The following SPECC1 variants were observed in gnomAD, a reference collection of about 807,000 sequenced individuals.
SPECC1 encodes sperm antigen with calponin homology and coiled-coil domains 1.
In SPECC1, 62 loss-of-function variants were observed where a neutral mutation model predicts 104.1. The ratio of observed to expected loss-of-function variants is 0.60; its 90% CI spans 0.49 to 0.74. SPECC1 has a LOEUF of 0.74. Ranked by LOEUF, SPECC1 falls within the 30% of genes least tolerant of loss-of-function variation. SPECC1 has a pLI of 0.00. For missense variants in SPECC1, 1,306 were observed against 1,310.5 expected, an observed-to-expected ratio of 1.00 and a Z score of 0.05; for synonymous variants, 513 against 501.6, an observed-to-expected ratio of 1.02 and a Z score of -0.30.
chr17:20,024,874 C>T (rs2044539249), intron 1 of SPECC1, among the ~76,000 whole-genome samples: 1 of 152,156 alleles, frequency 6.6e-6, no homozygotes. Context: ...GCTTTTTAGT[C>T]CTGCCCTAAA....
intron 4 of SPECC1, among the ~76,000 whole-genome samples, chr17:20,210,905 T>G (rs1015315901): frequency 1.3e-5 from 2 of 152,120 alleles, no homozygotes; most frequent in African/African-American, 2.4e-5. Context: ...CTCAGGGGGT[T>G]TTCTCGGCCT....
At chr17:20,113,952 C>T (rs1567853054) in intron 3 of SPECC1, among the ~76,000 whole-genome samples, 1 of 152,178 alleles carries the variant, frequency 6.6e-6, no homozygotes, top group Non-Finnish European at 1.5e-5. Context: ...TCCAGATCTA[C>T]TGCAATCAAA....
intron 1 of SPECC1, among the ~76,000 whole-genome samples, chr17:20,070,797 A>G (rs1449549685): frequency 3.3e-5 from 5 of 151,700 alleles, no homozygotes; most frequent in African/African-American, 4.8e-5. Flanking sequence ...TCATCTTGTC[A>G]TTGACATTTT....
At chr17:20,241,472 G>A (rs1230902170) in intron 7 of SPECC1, among the ~76,000 whole-genome samples, 4 of 152,158 alleles carry the variant, frequency 2.6e-5, no homozygotes, top group Non-Finnish European at 5.9e-5. Flanking sequence ...GGGGACATTA[G>A]TTGGGGTTTT....
chr17:20,153,662 A>T (rs2032212108), intron 3 of SPECC1, among the ~76,000 whole-genome samples: 1 of 152,240 alleles, frequency 6.6e-6, no homozygotes, highest in Non-Finnish European at 1.5e-5. Flanking sequence ...TTGGGGTCTT[A>T]CTTGTCCAGT....
chr17:20,286,973 G>A (rs2040969838), intron 12 of SPECC1, among the ~76,000 whole-genome samples: 1 of 152,236 alleles, frequency 6.6e-6, no homozygotes, highest in Non-Finnish European at 1.5e-5. Flanking sequence ...GAAAGTCCTG[G>A]CTCCTGGAGG....
chr17:20,311,501 C>T (rs1208151344), intron 14 of SPECC1, among the ~76,000 whole-genome samples: 1 of 152,074 alleles, frequency 6.6e-6, no homozygotes, highest in African/African-American at 2.4e-5. Context: ...AGTGATTCTC[C>T]TGTCTCAGCC....
At chr17:20,162,675 G>T (rs2033274953) in intron 3 of SPECC1, among the ~76,000 whole-genome samples, 1 of 152,200 alleles carries the variant, frequency 6.6e-6, no homozygotes, top group East Asian at 1.9e-4. Context: ...TCATTCTCAG[G>T]TTAGTTCATT....
At position 20,227,629 on chromosome 17, in the gene SPECC1, G is replaced by A; in HGVS notation, c.2071+9G>A. The A allele has an allele frequency of 2.5e-6, 4 of 1,610,318 alleles. No homozygotes were observed. The highest frequency in any genetic ancestry group is 3.4e-6 in the Non-Finnish European group (4 of 1,178,846). On this transcript the variant is annotated intron_variant, in intron 5 of 14. Coordinates refer to ENST00000395527, the MANE Select transcript of SPECC1 (RefSeq NM_001243439.2). Reference sequence around the variant, plus strand: ...CATCAGTGAGCTAGAAAGTAAGTGGGGTCTGCCAGGCATGGTGGCTCACAC... The same window carrying A: ...CATCAGTGAGCTAGAAAGTAAGTGGAGTCTGCCAGGCATGGTGGCTCACAC...
At chr17:20,295,505 C>T (rs952140006) in intron 12 of SPECC1, among the ~76,000 whole-genome samples, 5 of 152,046 alleles carry the variant, frequency 3.3e-5, no homozygotes, top group East Asian at 1.9e-4. Context: ...TTTATAGCAG[C>T]GTGATTTATA....
At chr17:20,253,393 C>A in intron 9 of SPECC1, 112 bp from the exon 10 acceptor site, 1 of 974,704 alleles carries the variant, frequency 1.0e-6, no homozygotes, top group Non-Finnish European at 1.5e-6. Flanking sequence ...CCTGGTTATT[C>A]CACTGTGTTT....
At chr17:20,201,854 TA>T (rs1282965660) in intron 3 of SPECC1, among the ~76,000 whole-genome samples, 1 of 151,950 alleles carries the variant, frequency 6.6e-6, no homozygotes, top group Non-Finnish European at 1.5e-5. Context: ...TATGGAGACT[TA>T]AAAAAAATAA....
chr17:20,301,466 A>T (rs1282949544), intron 13 of SPECC1, among the ~76,000 whole-genome samples: 1 of 151,898 alleles, frequency 6.6e-6, no homozygotes, highest in Admixed American at 6.5e-5. Flanking sequence ...AGAAGCCTTT[A>T]ATGTTTGTAA....
At chr17:20,207,246 G>A (rs1178313564) in intron 4 of SPECC1, among the ~76,000 whole-genome samples, 1 of 152,198 alleles carries the variant, frequency 6.6e-6, no homozygotes, top group African/African-American at 2.4e-5. Flanking sequence ...AGATGAGTCT[G>A]TTGCAGCCTG....
At chr17:20,296,820 G>T (rs1437366804) in intron 12 of SPECC1, 141 bp from the exon 13 acceptor site, 1 of 613,952 alleles carries the variant, frequency 1.6e-6, no homozygotes, top group East Asian at 2.7e-5. Flanking sequence ...TCGGCTCTCT[G>T]TCTGTTATTG....
chr17:20,250,682 T>TA (rs2039591213), intron 9 of SPECC1, among the ~76,000 whole-genome samples: 1 of 152,194 alleles, frequency 6.6e-6, no homozygotes, highest in African/African-American at 2.4e-5. Flanking sequence ...ATGTCAATCT[T>TA]ACGTAAATTC....
At chr17:20,172,719 CTG>C (rs1249349240) in intron 3 of SPECC1, among the ~76,000 whole-genome samples, 2 of 152,184 alleles carry the variant, frequency 1.3e-5, no homozygotes, top group African/African-American at 4.8e-5. Context: ...GCTGTAAGCT[CTG>C]TGCCCACTAG....
intron 1 of SPECC1, among the ~76,000 whole-genome samples, chr17:20,058,839 T>A (rs868682656): frequency 7.2e-6 from 1 of 139,536 alleles, no homozygotes; most frequent in African/African-American, 2.7e-5. Context: ...TTATTTCTTT[T>A]TTTTTTTTTT....
intron 3 of SPECC1, among the ~76,000 whole-genome samples, chr17:20,115,774 T>C (rs903397162): frequency 2.0e-5 from 3 of 152,188 alleles, no homozygotes; most frequent in Non-Finnish European, 4.4e-5. Flanking sequence ...TCTTTAATGA[T>C]GTGTATGTGT....
Sources: allele counts gnomAD v4.1 joint callset (sites outside exome capture counted in the v4.1 genomes callset), GRCh38; gene constraint gnomAD v4.1.1; transcripts MANE v1.5; gene names NCBI Gene and HGNC (gene_info 2026-07-23, HGNC 2026-07-21).